Variants in ATP13A4 observed in about 807,000 individuals in gnomAD.
ATP13A4 encodes ATPase 13A4.
A neutral mutation model predicts 142.5 loss-of-function variants in ATP13A4; 114 were observed. The observed-to-expected ratio is 0.80, with a 90% confidence interval of 0.69 to 0.93. The LOEUF (loss-of-function observed/expected upper bound fraction) is 0.93. Ranked by LOEUF, ATP13A4 falls within the 40% of genes least tolerant of loss-of-function variation. The pLI, the probability that ATP13A4 is intolerant of heterozygous loss-of-function variation, is 0.00. For synonymous variants in ATP13A4, 488 were observed against 514.8 expected (o/e 0.95, Z 0.70); for missense variants, 1,392 against 1,454.0 (o/e 0.96, Z 0.69).
intron 25 of ATP13A4, among the ~76,000 whole-genome samples, chr3:193,424,705 G>A (rs190368204): frequency 2.7e-5 from 4 of 149,524 alleles, no homozygotes; most frequent in African/African-American, 4.9e-5. Flanking sequence ...TGTAAAACTC[G>A]AAACTATAAA....
chr3:193,481,660 A>T (rs375844387), intron 8 of ATP13A4, among the ~76,000 whole-genome samples: 76 of 152,314 alleles, frequency 5.0e-4, no homozygotes, highest in African/African-American at 1.7e-3. Context: ...TGGCAAAGAA[A>T]ATCGACATTT....
chr3:193,577,865 C>A (rs1724430165), intron 2 of ATP13A4, among the ~76,000 whole-genome samples: 1 of 152,258 alleles, frequency 6.6e-6, no homozygotes, highest in Admixed American at 6.5e-5. Context: ...AACAGTGAGG[C>A]TTTATTAACA....
At chr3:193,510,591 G>C (rs978740449) in intron 2 of ATP13A4, among the ~76,000 whole-genome samples, 1 of 152,162 alleles carries the variant, frequency 6.6e-6, no homozygotes, top group African/African-American at 2.4e-5. Context: ...TGAACAGAAT[G>C]CTGCTTTTAA....
rs1398671967 is a variant in ATP13A4 at position 193,531,260 on chromosome 3, G to A, written c.61-16389C>T. On this transcript the variant is annotated intron_variant, in intron 1 of 29. Coordinates refer to ENST00000342695, the MANE Select transcript of ATP13A4 (RefSeq NM_032279.4). ...AGCACAGGGACTTGTACACAATAAG[G>A]GCTCAATAAGTGAGGGAGGGAGGGA... Among the ~76,000 whole-genome samples the A allele has an allele frequency of 3.1e-5, 4 of 131,136 alleles. No individual in the cohort carries two copies. In the Admixed American group the frequency reaches 3.4e-4, roughly 11 times the overall value. The allele number at this position is 131,136 out of a possible 152,430, so 86.0% of individuals were successfully genotyped here.
chr3:193,466,196 C>A lies in ATP13A4; in HGVS notation c.1115-14G>T, dbSNP rs760237138. 2 of 1,613,426 alleles carry A rather than the reference C, an allele frequency of 1.2e-6. No homozygotes were observed. Among genetic ancestry groups the A allele is most frequent in the African/African-American group, 1.3e-5 (1 of 75,018 alleles). Reference sequence around the variant, plus strand: ...CAGTGTTGAATCCTGGAACAACAAACACACACCCCACACTCTCAGGAGACC... The same window carrying A: ...CAGTGTTGAATCCTGGAACAACAAAAACACACCCCACACTCTCAGGAGACC... On this transcript the variant is annotated splice_polypyrimidine_tract_variant and intron_variant, in intron 10 of 29. Transcript: ENST00000342695.
chr3:193,454,936 CAG>C (rs1466636864), intron 16 of ATP13A4, among the ~76,000 whole-genome samples: 1 of 152,070 alleles, frequency 6.6e-6, no homozygotes, highest in African/African-American at 2.4e-5. Context: ...GCCTACAGAA[CAG>C]GGGAAAATTT....
chr3:193,528,064 C>T (rs185006893), intron 1 of ATP13A4, among the ~76,000 whole-genome samples: 2 of 152,216 alleles, frequency 1.3e-5, no homozygotes, highest in African/African-American at 2.4e-5. Context: ...AGTTTTCACT[C>T]AGGATTCAAT....
At chr3:193,461,201 C>T (rs1418103228) in intron 13 of ATP13A4, among the ~76,000 whole-genome samples, 1 of 152,054 alleles carries the variant, frequency 6.6e-6, no homozygotes, top group African/African-American at 2.4e-5. Context: ...AACAAAGTTT[C>T]CAAAGTTTTA....
chr3:193,403,347 C>G (rs1018012338), intron 29 of ATP13A4, among the ~76,000 whole-genome samples: 1 of 152,100 alleles, frequency 6.6e-6, no homozygotes, highest in African/African-American at 2.4e-5. Flanking sequence ...TCACACGGGC[C>G]AGTCTTGGAG....
intron 29 of ATP13A4, chr3:193,403,890 T>C: frequency 1.0e-6 from 1 of 985,450 alleles, no homozygotes; most frequent in Non-Finnish European, 1.2e-6. Context: ...AAAGAGTTAA[T>C]TCTGTGAGAT....
At chr3:193,569,961 CTA>C (rs1205131945) in intron 2 of ATP13A4, among the ~76,000 whole-genome samples, 2 of 152,132 alleles carry the variant, frequency 1.3e-5, no homozygotes, top group Non-Finnish European at 2.9e-5. Flanking sequence ...AAACCTAAAA[CTA>C]TTCAAAAATG....
chr3:193,463,019 A>C (rs1170537290), intron 12 of ATP13A4, among the ~76,000 whole-genome samples, 196 bp from the exon 13 acceptor site: 3 of 151,862 alleles, frequency 2.0e-5, no homozygotes, highest in Admixed American at 1.3e-4. Context: ...CATAGCGAAG[A>C]CTCCGTAGTG....
intron 20 of ATP13A4, 101 bp downstream of exon 20, chr3:193,441,365 A>G: frequency 1.4e-6 from 2 of 1,438,176 alleles, no homozygotes; most frequent in South Asian, 1.2e-5. Context: ...CTCACTGAGT[A>G]TATTTTACCT....
At chr3:193,468,040 G>A (rs1270764806) in intron 9 of ATP13A4, among the ~76,000 whole-genome samples, 3 of 152,186 alleles carry the variant, frequency 2.0e-5, no homozygotes, top group Admixed American at 2.0e-4. Flanking sequence ...TCAGCCAGGT[G>A]TGGTGGCACA....
chr3:193,469,698 C>A (rs954301146), intron 9 of ATP13A4, among the ~76,000 whole-genome samples: 1 of 152,152 alleles, frequency 6.6e-6, no homozygotes, highest in African/African-American at 2.4e-5. Context: ...TTTACCAGTG[C>A]AGTGGGAGGG....
At chr3:193,588,546 T>C (rs1336685378) in intron 1 of ATP13A4, among the ~76,000 whole-genome samples, 4 of 152,216 alleles carry the variant, frequency 2.6e-5, no homozygotes, top group African/African-American at 9.6e-5. Context: ...CTTCTTCCCA[T>C]TACCAGGCTT....
At chr3:193,536,158 A>G (rs1268921156) in intron 1 of ATP13A4, among the ~76,000 whole-genome samples, 1 of 152,080 alleles carries the variant, frequency 6.6e-6, no homozygotes, top group Non-Finnish European at 1.5e-5. Context: ...TTACCCTGAT[A>G]ATAAAATAAG....
In ATP13A4 at chr3:193,424,652, C is replaced by T. The variant is rs1576946906; in HGVS notation, c.2842+9193G>A. 1.3e-5 allele frequency among the ~76,000 whole-genome samples: 2 copies of T among 149,630 alleles called. 1 individual carries two copies. The highest frequency in any genetic ancestry group is 4.1e-4 in the East Asian group (2 of 4,844). On this transcript the variant is annotated intron_variant, in intron 25 of 29. Transcript: ENST00000342695. The stretch of plus-strand genomic sequence containing the variant: ...AAGAATGAACTAGACCCCTATCTCT[C>T]ACCAAATAAGAAAATTAACTCAAAG...
At chr3:193,432,903 T>C (rs939183027) in intron 25 of ATP13A4, among the ~76,000 whole-genome samples, 2 of 152,106 alleles carry the variant, frequency 1.3e-5, no homozygotes, top group African/African-American at 4.8e-5. Context: ...TACATGTCAT[T>C]ATACATATGT....
Sources: gnomAD v4.1 joint callset for allele counts (sites outside exome capture counted in the v4.1 genomes callset) on GRCh38, gnomAD v4.1.1 for gene constraint, MANE v1.5 for transcripts, NCBI Gene and HGNC (gene_info 2026-07-23, HGNC 2026-07-21) for gene names.